Variants in MAP1LC3C observed in about 807,000 individuals in gnomAD.
The protein encoded by MAP1LC3C is microtubule-associated protein 1 light chain 3 gamma.
Under a neutral mutation model 10.4 loss-of-function variants are expected in MAP1LC3C, and 12 were observed. That is an observed-to-expected ratio of 1.15 (90% confidence interval 0.74 to 1.86). MAP1LC3C has a LOEUF of 1.86. Ranked by LOEUF, MAP1LC3C falls within the 40% of genes most tolerant of loss-of-function variation. The pLI is 0.00. For missense variants in MAP1LC3C, 177 were observed against 185.7 expected (o/e 0.95, Z 0.27); for synonymous variants, 70 against 69.0 (o/e 1.01, Z -0.07).
At chr1:241,999,195 GGAGGTCAGTTCT>G, upstream of MAP1LC3C, 1 of 1,229,968 alleles carries the variant, frequency 8.1e-7, no homozygotes, top group Non-Finnish European at 1.1e-6. Context: ...CTGGGCAGCA[GGAGGTCAGTTCT>G]GATGGAAATG....
chr1:241,996,521 G>A, intron 3 of MAP1LC3C, 136 bp from the exon 4 acceptor site: 1 of 677,060 alleles, frequency 1.5e-6, no homozygotes, highest in Non-Finnish European at 2.5e-6. Flanking sequence ...TTCCCATTTG[G>A]GTCAAAAGGG....
upstream of MAP1LC3C, among the ~76,000 whole-genome samples, chr1:242,000,285 G>C (rs1050517355): frequency 6.6e-6 from 1 of 152,208 alleles, no homozygotes; most frequent in Non-Finnish European, 1.5e-5. Context: ...CTGTTGCCCA[G>C]GCTGGAATGT....
intron 3 of MAP1LC3C, among the ~76,000 whole-genome samples, chr1:241,997,587 C>A (rs887279275): frequency 6.6e-6 from 1 of 152,192 alleles, no homozygotes; most frequent in African/African-American, 2.4e-5. Context: ...AGCTTCCAAG[C>A]ACTTTTCAAC....
chr1:241,996,181 T>A lies in MAP1LC3C; in HGVS notation c.426A>T (p.Arg142Ser). 1.2e-6 allele frequency: 2 copies of A among 1,613,852 alleles called. No homozygotes were observed. Among genetic ancestry groups the A allele is most frequent in the Non-Finnish European group, 1.7e-6 (2 of 1,179,946 alleles). ...ACATGGGCTAGAGAGGATTGCAGGG[T>A]CTGTCCTCAAGGCTGCTCCCATCCC... ...APRDGSSLED[R>S]PCNPL Residue 142 changes from arginine (R) to serine (S), a missense_variant, in exon 4 of 4, where the codon AGA (arginine) becomes AGT (serine). Arg to Ser is a moderately radical substitution (Grantham distance 110). Coordinates refer to ENST00000357246, the MANE Select transcript of MAP1LC3C (RefSeq NM_001004343.3).
chr1:242,000,216 G>A (rs927770805), upstream of MAP1LC3C, among the ~76,000 whole-genome samples: 2 of 152,122 alleles, frequency 1.3e-5, no homozygotes, highest in Non-Finnish European at 2.9e-5. Flanking sequence ...TTTCAATGCC[G>A]ATTGCAAGCC....
chr1:241,998,870 A>C (rs1665142154), intron 1 of MAP1LC3C, 39 bp from the exon 2 acceptor site: 1 of 1,613,934 alleles, frequency 6.2e-7, no homozygotes, highest in Non-Finnish European at 8.5e-7. Context: ...AGCAAAGATC[A>C]AGAAAAGAAG....
At chr1:241,999,672 G>T (rs972276139), upstream of MAP1LC3C, among the ~76,000 whole-genome samples, 10 of 152,118 alleles carry the variant, frequency 6.6e-5, no homozygotes, top group African/African-American at 1.7e-4. Flanking sequence ...AGCCGGACGT[G>T]GTGGCTGGCA....
At chr1:241,998,723 A>G (rs1235489495) in intron 2 of MAP1LC3C, 53 bp downstream of exon 2, 17 of 1,612,386 alleles carry the variant, frequency 1.1e-5, no homozygotes, top group Admixed American at 1.0e-4. Context: ...TTCAGAGAAC[A>G]GGATCGGAAC....
chr1:241,998,348 T>A (rs1338757886), intron 3 of MAP1LC3C, among the ~76,000 whole-genome samples, 166 bp downstream of exon 3: 1 of 152,150 alleles, frequency 6.6e-6, no homozygotes, highest in Non-Finnish European at 1.5e-5. Context: ...TCTAAGAGCA[T>A]CTTTTCAGGG....
rs764008757 is a variant in MAP1LC3C, at chr1:241,998,797, T to C, written c.93A>G (p.Ala31=). ...IRQEEVAGIR[A]KFPNKIPVVV... is the part of the protein sequence containing the mutation. Reference sequence around the variant, plus strand: ...TTACCGGGATTTTGTTGGGGAACTTTGCCCGGATTCCAGCAACTTCCTCTT... The same window carrying C: ...TTACCGGGATTTTGTTGGGGAACTTCGCCCGGATTCCAGCAACTTCCTCTT... The change falls in exon 2 of 4, where the codon GCA becomes GCG. Residue 31 remains alanine, a synonymous_variant. Coordinates refer to ENST00000357246, the MANE Select transcript of MAP1LC3C (RefSeq NM_001004343.3). The C allele has an allele frequency of 6.2e-7, 1 of 1,614,106 alleles. No individual in the cohort carries two copies. Among genetic ancestry groups the C allele is most frequent in the Admixed American group, 1.7e-5 (1 of 60,000 alleles).
chr1:241,998,722 C>T, intron 2 of MAP1LC3C, 54 bp downstream of exon 2: 1 of 1,612,418 alleles, frequency 6.2e-7, no homozygotes, highest in Non-Finnish European at 8.5e-7. Context: ...TTTCAGAGAA[C>T]AGGATCGGAA....
Position 241,996,010 on chromosome 1 carries a change from A to G in MAP1LC3C, c.*153T>C, listed in dbSNP as rs1351192364. On this transcript the variant is annotated 3_prime_UTR_variant, in exon 4 of 4. Transcript: ENST00000357246. ...GAACACGGAGCACAAAAACTAAACT[A>G]GGAAGAGCCACCACTCTGCTGCCAC... 3.4e-6 allele frequency: 2 copies of G among 585,374 alleles called. No homozygotes were observed. Among genetic ancestry groups the G allele is most frequent in the Non-Finnish European group, 5.8e-6 (2 of 344,548 alleles). 36.3% of individuals were successfully genotyped at this position (585,374 alleles called of 1,614,324 possible). A position where few individuals can be genotyped will look rare whatever the true frequency, so the allele number is the denominator to read the frequency against.
At chr1:242,000,883 A>G (rs1002688525), upstream of MAP1LC3C, among the ~76,000 whole-genome samples, 2 of 152,084 alleles carry the variant, frequency 1.3e-5, no homozygotes, top group African/African-American at 4.8e-5. Flanking sequence ...TGGGGCTAAA[A>G]ATTCCAACCC....
chr1:241,998,018 A>ATTT (rs1558179174), intron 3 of MAP1LC3C, among the ~76,000 whole-genome samples: 1 of 89,386 alleles, frequency 1.1e-5, no homozygotes, highest in African/African-American at 4.8e-5. Context: ...AAATAGAGTA[A>ATTT]TTCTTTTTTT....
upstream of MAP1LC3C, among the ~76,000 whole-genome samples, chr1:242,000,495 G>A (rs1665177385): frequency 1.3e-5 from 2 of 152,124 alleles, no homozygotes; most frequent in Middle Eastern, 3.2e-3. Flanking sequence ...CCAAAGAGCT[G>A]GGATCTCATG....
chr1:242,000,043 ATGTG>A (rs35676574), upstream of MAP1LC3C, among the ~76,000 whole-genome samples: 43 of 150,740 alleles, frequency 2.9e-4, no homozygotes, highest in African/African-American at 9.7e-4. Flanking sequence ...TTGACACTAG[ATGTG>A]TGTGTGTGTG....
At chr1:242,000,203 C>T (rs113774064), upstream of MAP1LC3C, among the ~76,000 whole-genome samples, 539 of 152,304 alleles carry the variant, frequency 3.5e-3, 3 homozygotes, top group African/African-American at 0.012. Flanking sequence ...GACTGTCCCC[C>T]ACTTTCAATG....
Position 241,998,601 on chromosome 1 carries a change from G to C in MAP1LC3C, c.134C>G (p.Pro45Arg), listed in dbSNP as rs1665135809. ...NKIPVVVERY[P>R]RETFLPPLDK... The stretch of plus-strand genomic sequence containing the variant: ...CAGCGGGGGCAGGAACGTCTCCCTG[G>C]GGTAGCGCTCCACTACCACCTGTCA... The change falls in exon 3 of 4, where the codon CCC becomes CGC. Residue 45 changes from proline (P) to arginine (R), a missense_variant. Physicochemically the swap from Pro to Arg is moderately radical, Grantham distance 103. Transcript: ENST00000357246. 1.9e-6 allele frequency: 3 copies of C among 1,611,636 alleles called. No homozygotes were observed. The South Asian group carries it at 3.3e-5, about 18-fold the overall frequency.
At chr1:242,000,764 C>G (rs1277328192), upstream of MAP1LC3C, among the ~76,000 whole-genome samples, 1 of 152,128 alleles carries the variant, frequency 6.6e-6, no homozygotes, top group Admixed American at 6.5e-5. Flanking sequence ...GAACCTAGGC[C>G]TTTTGGGTTT....
Sources: allele counts gnomAD v4.1 joint callset (sites outside exome capture counted in the v4.1 genomes callset), GRCh38; gene constraint gnomAD v4.1.1; transcripts MANE v1.5; gene names NCBI Gene and HGNC (gene_info 2026-07-23, HGNC 2026-07-21).